KCNJ15: variants seen among roughly 807,000 people sequenced by gnomAD.
The protein encoded by KCNJ15 is ATP-sensitive inward rectifier potassium channel 15.
KCNJ15 carries 14 observed loss-of-function variants against 23.0 expected under a neutral mutation model. The ratio of observed to expected loss-of-function variants is 0.61; its 90% CI spans 0.40 to 0.95. The LOEUF is 0.95. Ranked by LOEUF, KCNJ15 falls within the 40% of genes least tolerant of loss-of-function variation. KCNJ15 has a pLI of 0.00. For synonymous variants in KCNJ15, 185 were observed against 183.2 expected, an observed-to-expected ratio of 1.01 and a Z score of -0.08; for missense variants, 388 against 461.8, an observed-to-expected ratio of 0.84 and a Z score of 1.46.
intron 1 of KCNJ15, among the ~76,000 whole-genome samples, chr21:38,247,030 A>C (rs911317328): frequency 6.6e-6 from 1 of 151,744 alleles, no homozygotes; most frequent in African/African-American, 2.4e-5. Context: ...GGATGGATGC[A>C]TAAGTGGATG....
At chr21:38,287,935 C>T (rs1984083069) in intron 1 of KCNJ15, among the ~76,000 whole-genome samples, 1 of 149,558 alleles carries the variant, frequency 6.7e-6, no homozygotes, top group South Asian at 2.1e-4. Flanking sequence ...GTTTCTATAT[C>T]AGAGAAATGT....
chr21:38,245,030 C>T (rs1245570057), intron 1 of KCNJ15, among the ~76,000 whole-genome samples: 1 of 152,026 alleles, frequency 6.6e-6, no homozygotes, highest in Admixed American at 6.6e-5. Context: ...GGGCTAGTGA[C>T]TCATTCATGA....
At chr21:38,238,629 C>T (rs538327423) in intron 1 of KCNJ15, 36 of 589,944 alleles carry the variant, frequency 6.1e-5, no homozygotes, top group Admixed American at 2.5e-4. Context: ...GCAACCAGAG[C>T]GGGTTGTGGG....
intron 1 of KCNJ15, among the ~76,000 whole-genome samples, chr21:38,292,858 G>A (rs1984757732): frequency 6.6e-6 from 1 of 151,334 alleles, no homozygotes; most frequent in African/African-American, 2.4e-5. Context: ...AATCCCAGCT[G>A]CTTGGAAGGC....
chr21:38,289,609 T>A (rs1984366563), intron 1 of KCNJ15, among the ~76,000 whole-genome samples: 1 of 152,118 alleles, frequency 6.6e-6, no homozygotes, highest in South Asian at 2.1e-4. Flanking sequence ...GGTGCACACC[T>A]GTAATCCCAG....
chr21:38,238,687 T>G (rs374541664), intron 1 of KCNJ15: 1 of 474,648 alleles, frequency 2.1e-6, no homozygotes, highest in East Asian at 4.8e-5. Context: ...TGTTTTAAAC[T>G]CTAGGAGGAA....
At chr21:38,249,342 G>A (rs1178255550) in intron 1 of KCNJ15, among the ~76,000 whole-genome samples, 2 of 152,144 alleles carry the variant, frequency 1.3e-5, no homozygotes, top group African/African-American at 2.4e-5. Context: ...TTGATAAATG[G>A]TAAGGCTGCA....
At chr21:38,289,024 C>T (rs890526318) in intron 1 of KCNJ15, among the ~76,000 whole-genome samples, 1 of 151,806 alleles carries the variant, frequency 6.6e-6, no homozygotes, top group African/African-American at 2.4e-5. Flanking sequence ...TGGTTAAACC[C>T]CATCTCTATT....
intron 1 of KCNJ15, among the ~76,000 whole-genome samples, chr21:38,267,141 A>T (rs1430733209): frequency 6.6e-6 from 1 of 152,208 alleles, no homozygotes; most frequent in Non-Finnish European, 1.5e-5. Context: ...TGGGGCTTGC[A>T]CTGATTGGAT....
intron 1 of KCNJ15, among the ~76,000 whole-genome samples, chr21:38,247,080 GGA>G (rs1259631301): frequency 8.1e-4 from 55 of 67,896 alleles, no homozygotes; most frequent in Non-Finnish European, 1.0e-4. Context: ...ATGGATGGAT[GGA>G]TGGATGGATG....
At chr21:38,254,412 A>G (rs974761508), upstream of KCNJ15, among the ~76,000 whole-genome samples, 1 of 152,222 alleles carries the variant, frequency 6.6e-6, no homozygotes, top group African/African-American at 2.4e-5. Context: ...TTGTCTTAGC[A>G]TTTAAACTTT....
At position 38,286,170 on chromosome 21, in the gene KCNJ15, G is replaced by A. The variant is rs145899799; in HGVS notation, c.-116-10756G>A. On this transcript the variant is annotated intron_variant, in intron 1 of 2. Transcript: ENST00000398938. ...AGGCAGAAGAATGGCATGAACCTGG[G>A]AGGCGGAGCTTGTAGTGAGCTGAGA... 4.4e-3 allele frequency among the ~76,000 whole-genome samples: 668 copies of A among 152,280 alleles called. 4 individuals are homozygous for A. Among genetic ancestry groups the A allele is most frequent in the African/African-American group, 0.016 (650 of 41,554 alleles).
Position 38,301,595 on chromosome 21 carries a change from G to C in KCNJ15, c.*1206G>C, listed in dbSNP as rs950763040. ...CAGATGCTGATGTTTGTAAGGTCCG[G>C]TGGGGCCATGAGGAAGAAGAGGAGC... On this transcript the variant is annotated 3_prime_UTR_variant, in exon 3 of 3. Transcript: ENST00000398938. The C allele has an allele frequency of 6.0e-6, 1 of 167,064 alleles. No individual in the cohort carries two copies. Among genetic ancestry groups the C allele is most frequent in the African/African-American group, 2.4e-5 (1 of 41,434 alleles). The allele number at this position is 167,064 out of a possible 1,614,324, so 10.3% of individuals were successfully genotyped here.
chr21:38,292,274 A>G (rs974866076), intron 1 of KCNJ15, among the ~76,000 whole-genome samples: 2 of 152,210 alleles, frequency 1.3e-5, no homozygotes, highest in Non-Finnish European at 2.9e-5. Context: ...ATTCAATAAG[A>G]TAATATCTAT....
At chr21:38,290,714 T>G (rs1301995749) in intron 1 of KCNJ15, among the ~76,000 whole-genome samples, 1 of 152,024 alleles carries the variant, frequency 6.6e-6, no homozygotes, top group African/African-American at 2.4e-5. Context: ...TGCGGTTGGA[T>G]GAGGGGAGAA....
chr21:38,256,007 G>A (rs1980195462), upstream of KCNJ15, among the ~76,000 whole-genome samples: 1 of 152,028 alleles, frequency 6.6e-6, no homozygotes, highest in South Asian at 2.1e-4. Context: ...CTCTCTCTAG[G>A]GGAAGTGCTT....
intron 1 of KCNJ15, among the ~76,000 whole-genome samples, chr21:38,262,022 A>G (rs1027420952): frequency 1.3e-5 from 2 of 152,194 alleles, no homozygotes; most frequent in Admixed American, 1.3e-4. Flanking sequence ...TTCTCACTCA[A>G]TGATGTTTAC....
In KCNJ15 at chr21:38,300,473, G is replaced by A. The variant is rs1474685177; in HGVS notation, c.*84G>A. On this transcript the variant is annotated 3_prime_UTR_variant, in exon 3 of 3. Transcript: ENST00000398938. ...CAAACACAAAGATTGCTGTGAAAAC[G>A]AAAATGTGTAGACGCACTCTCAAAA... 20 of 1,250,874 alleles carry A rather than the reference G, an allele frequency of 1.6e-5. No homozygotes were observed. The highest frequency in any genetic ancestry group is 7.5e-5 in the African/African-American group (5 of 66,564). The allele number at this position is 1,250,874 out of a possible 1,614,324, so 77.5% of individuals were successfully genotyped here.
intron 1 of KCNJ15, among the ~76,000 whole-genome samples, chr21:38,274,000 G>C (rs930922512): frequency 1.3e-5 from 2 of 152,188 alleles, no homozygotes; most frequent in African/African-American, 2.4e-5. Flanking sequence ...CTGTGACCTT[G>C]AGCATTTACA....
Sources: gnomAD v4.1 joint callset for allele counts (sites outside exome capture counted in the v4.1 genomes callset) on GRCh38, gnomAD v4.1.1 for gene constraint, MANE v1.5 for transcripts, NCBI Gene and HGNC (gene_info 2026-07-23, HGNC 2026-07-21) for gene names.